RAB11FIP4: variants seen among roughly 807,000 people sequenced by gnomAD.
The protein encoded by RAB11FIP4 is rab11 family-interacting protein 4.
RAB11FIP4 carries 23 observed loss-of-function variants against 74.3 expected under a neutral mutation model. The observed-to-expected ratio is 0.31, with a 90% CI of 0.22 to 0.44. The LOEUF (loss-of-function observed/expected upper bound fraction) is 0.44, where lower values mean the gene tolerates loss of function less well. Among genes scored for constraint, RAB11FIP4 ranks in the 20% least tolerant of loss-of-function variants. The pLI, the probability that RAB11FIP4 is intolerant of heterozygous loss-of-function variation, is 1.00. For synonymous variants in RAB11FIP4, 360 were observed against 359.9 expected (o/e 1.00, Z 0.00); for missense variants, 630 against 863.9 (o/e 0.73, Z 3.39).
chr17:31,418,688 C>T (rs978621287), intron 1 of RAB11FIP4, among the ~76,000 whole-genome samples: 2 of 152,102 alleles, frequency 1.3e-5, no homozygotes, highest in Non-Finnish European at 2.9e-5. Context: ...TGGTCTGGAA[C>T]TCCTGAGCTC....
rs753941643 is a variant in RAB11FIP4 at position 31,521,933 on chromosome 17, G to A, written c.777G>A (p.Arg259=). 1.2e-6 allele frequency: 2 copies of A among 1,614,196 alleles called. No individual in the cohort carries two copies. Among genetic ancestry groups the A allele is most frequent in the South Asian group, 2.2e-5 (2 of 91,090 alleles). The stretch of plus-strand genomic sequence containing the variant: ...GAATCAGTGCGGGGCAGACGCCTAG[G>A]AAAATGCGGCACGTGTACAACAGCG... ...SVSSSAGQTP[R]KMRHVYNSEL... Residue 259 remains arginine (R), a synonymous_variant, in exon 6 of 15, where the codon AGG becomes AGA. Transcript: ENST00000621161.
chr17:31,462,995 A>G (rs2071647833), intron 3 of RAB11FIP4, among the ~76,000 whole-genome samples: 1 of 152,098 alleles, frequency 6.6e-6, no homozygotes, highest in African/African-American at 2.4e-5. Context: ...CAGTCCTCAA[A>G]CAAAAGCCTT....
intron 1 of RAB11FIP4, among the ~76,000 whole-genome samples, chr17:31,402,598 T>TTATTTA (rs142035896): frequency 0.01 from 1,475 of 142,792 alleles, 32 homozygotes; most frequent in African/African-American, 0.036. Context: ...TTTTATTTAT[T>TTATTTA]TTTATTTATT....
At chr17:31,449,653 C>T (rs1203691351) in intron 3 of RAB11FIP4, among the ~76,000 whole-genome samples, 1 of 151,788 alleles carries the variant, frequency 6.6e-6, no homozygotes, top group African/African-American at 2.4e-5. Context: ...GCAATCCTCC[C>T]ACCTCAGTCT....
chr17:31,523,796 T>C, intron 8 of RAB11FIP4, 97 bp from the exon 9 acceptor site: 5 of 1,046,804 alleles, frequency 4.8e-6, no homozygotes, highest in Non-Finnish European at 5.9e-6. Flanking sequence ...AGATACACAG[T>C]GGTTTGGAGG....
intron 2 of RAB11FIP4, among the ~76,000 whole-genome samples, chr17:31,432,988 T>C (rs9912970): frequency 6.6e-6 from 1 of 151,938 alleles, no homozygotes; most frequent in Non-Finnish European, 1.5e-5. Flanking sequence ...CTACAAAAAA[T>C]ACAAAAAATT....
At chr17:31,505,477 TATA>T (rs56267005) in intron 3 of RAB11FIP4, among the ~76,000 whole-genome samples, 14,884 of 84,398 alleles carry the variant, frequency 0.18, 2,316 homozygotes, top group South Asian at 0.3. Context: ...TAATAATAAT[TATA>T]ATATATAATA....
chr17:31,482,799 T>C (rs1180915842), intron 3 of RAB11FIP4, among the ~76,000 whole-genome samples: 1 of 152,014 alleles, frequency 6.6e-6, no homozygotes, highest in Non-Finnish European at 1.5e-5. Context: ...GTGGAGTCAA[T>C]GGACCTCTGA....
intron 1 of RAB11FIP4, among the ~76,000 whole-genome samples, chr17:31,396,650 T>C (rs2070934568): frequency 6.6e-6 from 1 of 152,184 alleles, no homozygotes; most frequent in African/African-American, 2.4e-5. Context: ...CAACTCACCC[T>C]CCTTAACCAG....
intron 3 of RAB11FIP4, among the ~76,000 whole-genome samples, chr17:31,460,893 G>T (rs184112443): frequency 3.3e-5 from 5 of 151,908 alleles, no homozygotes; most frequent in African/African-American, 1.2e-4. Context: ...ACCACGCCCG[G>T]CCATGTGTGT....
At chr17:31,415,391 G>A (rs2071137552) in intron 1 of RAB11FIP4, among the ~76,000 whole-genome samples, 1 of 152,192 alleles carries the variant, frequency 6.6e-6, no homozygotes, top group Non-Finnish European at 1.5e-5. Flanking sequence ...TCGGAAGAGA[G>A]GTTGAGTAAT....
At chr17:31,521,795 C>T (rs1210077938) in intron 5 of RAB11FIP4, 120 bp from the exon 6 acceptor site, 4 of 1,136,968 alleles carry the variant, frequency 3.5e-6, no homozygotes, top group Non-Finnish European at 5.1e-6. Flanking sequence ...ACTCCCTGCC[C>T]CTCCCCCGTA....
At chr17:31,463,554 G>C (rs2071653192) in intron 3 of RAB11FIP4, among the ~76,000 whole-genome samples, 2 of 152,106 alleles carry the variant, frequency 1.3e-5, no homozygotes, top group Admixed American at 6.6e-5. Context: ...CAGCCAGCAT[G>C]TGCCTTTCTC....
chr17:31,536,432 C>G lies in RAB11FIP4; in HGVS notation c.*4700C>G, dbSNP rs2072964903. On this transcript the variant is annotated 3_prime_UTR_variant, in exon 15 of 15. Coordinates refer to ENST00000621161, the MANE Select transcript of RAB11FIP4 (RefSeq NM_032932.6). Reference sequence around the variant, plus strand: ...AATGACTTTGGTTGCCCAGCAGATCCACAGCGACTCTTTCTCAAGGGCTAC... The same window carrying G: ...AATGACTTTGGTTGCCCAGCAGATCGACAGCGACTCTTTCTCAAGGGCTAC... 1 of 152,388 alleles carries G rather than the reference C, an allele frequency of 6.6e-6. No homozygotes were observed. Among genetic ancestry groups the G allele is most frequent in the Non-Finnish European group, 1.5e-5 (1 of 68,178 alleles). 9.4% of individuals were successfully genotyped at this position (152,388 alleles called of 1,614,324 possible). A position where few individuals can be genotyped will look rare whatever the true frequency, so the allele number is the denominator to read the frequency against.
At chr17:31,504,058 C>G (rs1232837874) in intron 3 of RAB11FIP4, among the ~76,000 whole-genome samples, 6 of 149,300 alleles carry the variant, frequency 4.0e-5, no homozygotes, top group Non-Finnish European at 8.8e-5. Context: ...GGCAATAACA[C>G]TTTTCCTTCA....
chr17:31,498,789 C>T (rs1321530434), intron 3 of RAB11FIP4, among the ~76,000 whole-genome samples: 4 of 152,120 alleles, frequency 2.6e-5, no homozygotes, highest in East Asian at 1.9e-4. Context: ...CTGACCTACC[C>T]GGTGGACTCT....
intron 3 of RAB11FIP4, among the ~76,000 whole-genome samples, chr17:31,467,233 T>C (rs936847071): frequency 4.6e-5 from 7 of 152,236 alleles, no homozygotes; most frequent in African/African-American, 1.7e-4. Context: ...TGCCTCAGCC[T>C]CCTGAGTAGC....
chr17:31,420,854 G>A (rs568606626), intron 1 of RAB11FIP4, among the ~76,000 whole-genome samples: 2 of 152,088 alleles, frequency 1.3e-5, no homozygotes, highest in South Asian at 2.1e-4. Flanking sequence ...GAGGCCGAAG[G>A]GGGTGGATCA....
intron 3 of RAB11FIP4, among the ~76,000 whole-genome samples, chr17:31,473,536 G>C (rs953094253): frequency 1.3e-5 from 2 of 152,174 alleles, no homozygotes; most frequent in Non-Finnish European, 2.9e-5. Flanking sequence ...GTGAGACTCT[G>C]TCTCAAAAAA....
Sources: allele counts gnomAD v4.1 joint callset (sites outside exome capture counted in the v4.1 genomes callset), GRCh38; gene constraint gnomAD v4.1.1; transcripts MANE v1.5; gene names NCBI Gene and HGNC (gene_info 2026-07-23, HGNC 2026-07-21).